PDE7B: variants seen among roughly 807,000 people sequenced by gnomAD.
PDE7B encodes the protein 3',5'-cyclic-AMP phosphodiesterase 7B.
Under a neutral mutation model 56.2 loss-of-function variants are expected in PDE7B, and 29 were observed. The ratio of observed to expected loss-of-function variants is 0.52; its 90% CI spans 0.38 to 0.70. The LOEUF (loss-of-function observed/expected upper bound fraction) is 0.70. Among genes scored for constraint, PDE7B ranks in the 30% least tolerant of loss-of-function variants. The pLI is 0.00. For missense variants in PDE7B, 490 were observed against 565.0 expected, an observed-to-expected ratio of 0.87 and a Z score of 1.35; for synonymous variants, 197 against 196.9, an observed-to-expected ratio of 1.00 and a Z score of 0.00.
chr6:135,867,033 G>A (rs1306448764), intron 1 of PDE7B, among the ~76,000 whole-genome samples: 1 of 152,076 alleles, frequency 6.6e-6, no homozygotes, highest in African/African-American at 2.4e-5. Context: ...CTGTGTGGGG[G>A]ATCTTTCGAG....
chr6:136,008,821 A>C (rs1047135956), intron 2 of PDE7B, among the ~76,000 whole-genome samples: 6 of 152,064 alleles, frequency 3.9e-5, no homozygotes, highest in Non-Finnish European at 8.8e-5. Context: ...TTTGCTGTGC[A>C]GAAGCTCTTT....
intron 1 of PDE7B, among the ~76,000 whole-genome samples, chr6:135,915,225 G>A (rs1167296181): frequency 1.4e-4 from 21 of 152,108 alleles, no homozygotes; most frequent in Admixed American, 1.4e-3. Context: ...AGTTTTGTCT[G>A]TCACATATAA....
intron 1 of PDE7B, among the ~76,000 whole-genome samples, chr6:135,927,751 C>G (rs1583776637): frequency 6.6e-6 from 1 of 151,944 alleles, no homozygotes; most frequent in African/African-American, 2.4e-5. Flanking sequence ...TGACTAAGTC[C>G]CCAAAAGCAA....
intron 1 of PDE7B, among the ~76,000 whole-genome samples, chr6:135,907,309 C>A (rs527579169): frequency 1.3e-5 from 2 of 152,222 alleles, no homozygotes; most frequent in East Asian, 3.9e-4. Context: ...TTCTAGCAGC[C>A]CTAAACTCTG....
At chr6:136,162,666 C>G (rs1778726031) in intron 8 of PDE7B, among the ~76,000 whole-genome samples, 1 of 152,132 alleles carries the variant, frequency 6.6e-6, no homozygotes, top group African/African-American at 2.4e-5. Context: ...ATAGTCTCAT[C>G]TGAGATAAAG....
chr6:136,138,482 G>A (rs891821267), intron 3 of PDE7B, among the ~76,000 whole-genome samples: 25 of 151,922 alleles, frequency 1.6e-4, no homozygotes, highest in South Asian at 2.1e-4. Flanking sequence ...AATAACACTC[G>A]ATAAGTTATT....
Position 135,910,944 on chromosome 6 carries a change from A to G in PDE7B, c.22-36520A>G, listed in dbSNP as rs192729107. Among the ~76,000 whole-genome samples, 10 of 152,310 alleles carry G rather than the reference A, an allele frequency of 6.6e-5. No homozygotes were observed. In the East Asian group the frequency reaches 1.9e-3, roughly 29 times the overall value. On this transcript the variant is annotated intron_variant, in intron 1 of 12. Transcript: ENST00000308191. ...CCATCATTCTGCATGATTAACCTAC[A>G]TTCTGGTCTCAGAAGCATGACTAAG...
chr6:136,007,653 GAAAA>G (rs372657193), intron 2 of PDE7B, among the ~76,000 whole-genome samples: 1 of 134,996 alleles, frequency 7.4e-6, no homozygotes. Flanking sequence ...CTTTCTTGGT[GAAAA>G]AAAAAAAAAA....
chr6:136,100,802 A>G (rs1290120278), intron 2 of PDE7B, among the ~76,000 whole-genome samples: 4 of 152,128 alleles, frequency 2.6e-5, no homozygotes, highest in African/African-American at 9.7e-5. Flanking sequence ...TTCCAATACT[A>G]TATTGAATAG....
chr6:136,073,420 G>A (rs1777080767), intron 2 of PDE7B, among the ~76,000 whole-genome samples: 2 of 152,134 alleles, frequency 1.3e-5, no homozygotes, highest in African/African-American at 4.8e-5. Flanking sequence ...AAACTCAATG[G>A]CTTAAACAAC....
At chr6:136,178,765 G>T (rs1454066668) in intron 9 of PDE7B, among the ~76,000 whole-genome samples, 2 of 152,142 alleles carry the variant, frequency 1.3e-5, no homozygotes, top group East Asian at 3.9e-4. Flanking sequence ...CCACAACTTT[G>T]TTTTTCAAGG....
intron 1 of PDE7B, among the ~76,000 whole-genome samples, chr6:135,933,379 T>A (rs946560924): frequency 6.6e-6 from 1 of 152,228 alleles, no homozygotes; most frequent in South Asian, 2.1e-4. Flanking sequence ...TAATACAATT[T>A]GTTTAACTAG....
intron 8 of PDE7B, among the ~76,000 whole-genome samples, chr6:136,172,558 T>C (rs562512517): frequency 0.024 from 3,590 of 151,734 alleles, 150 homozygotes; most frequent in African/African-American, 0.081. Context: ...GAGTAGGTTT[T>C]GAAAATTTTC....
chr6:135,951,773 TATG>T (rs1774706092), intron 2 of PDE7B, among the ~76,000 whole-genome samples: 1 of 152,310 alleles, frequency 6.6e-6, no homozygotes, highest in South Asian at 2.1e-4. Context: ...TTGTCTCATG[TATG>T]ATTTCTTTCA....
At chr6:136,050,036 G>A (rs928697232) in intron 2 of PDE7B, among the ~76,000 whole-genome samples, 1 of 152,058 alleles carries the variant, frequency 6.6e-6, no homozygotes, top group African/African-American at 2.4e-5. Flanking sequence ...GGGCCAACTC[G>A]AGGTCCCTTG....
intron 2 of PDE7B, among the ~76,000 whole-genome samples, chr6:136,012,278 G>A (rs141589855): frequency 0.01 from 1,530 of 152,186 alleles, 17 homozygotes; most frequent in Middle Eastern, 0.034. Context: ...TGTCTCTGCT[G>A]GTTTGCTCTC....
chr6:136,182,930 G>A (rs114647529), intron 11 of PDE7B, among the ~76,000 whole-genome samples: 4,155 of 152,014 alleles, frequency 0.027, 236 homozygotes, highest in Admixed American at 0.12. Flanking sequence ...AAAATCAGCC[G>A]GGCGTGGCGG....
intron 9 of PDE7B, among the ~76,000 whole-genome samples, chr6:136,177,675 A>T (rs1451426931): frequency 6.6e-6 from 1 of 152,218 alleles, no homozygotes; most frequent in Non-Finnish European, 1.5e-5. Flanking sequence ...TACTGCTGGG[A>T]GCAAAAATTT....
At chr6:136,009,987 C>A (rs1209388155) in intron 2 of PDE7B, among the ~76,000 whole-genome samples, 3 of 152,150 alleles carry the variant, frequency 2.0e-5, no homozygotes, top group Non-Finnish European at 4.4e-5. Flanking sequence ...CTTCTGCTAG[C>A]TTTGGGGTTG....
Sources: allele counts gnomAD v4.1 joint callset (sites outside exome capture counted in the v4.1 genomes callset), GRCh38; gene constraint gnomAD v4.1.1; transcripts MANE v1.5; gene names NCBI Gene and HGNC (gene_info 2026-07-23, HGNC 2026-07-21).